GAS7: variants seen among roughly 807,000 people sequenced by gnomAD.
GAS7 encodes the protein growth arrest-specific protein 7.
A neutral mutation model predicts 71.1 loss-of-function variants in GAS7; 28 were observed. The ratio of observed to expected loss-of-function variants is 0.39; its 90% CI spans 0.29 to 0.54. The LOEUF is 0.54. Among genes scored for constraint, GAS7 ranks in the 20% least tolerant of loss-of-function variants. GAS7 has a pLI of 0.62. For synonymous variants in GAS7, 258 were observed against 245.8 expected, an observed-to-expected ratio of 1.05 and a Z score of -0.46; for missense variants, 436 against 627.8, an observed-to-expected ratio of 0.69 and a Z score of 3.27.
intron 1 of GAS7, among the ~76,000 whole-genome samples, chr17:10,133,961 C>T (rs1396017334): frequency 6.6e-6 from 1 of 152,090 alleles, no homozygotes; most frequent in Non-Finnish European, 1.5e-5. Flanking sequence ...AACCAAAATG[C>T]TCCAATGACC....
intron 1 of GAS7, among the ~76,000 whole-genome samples, chr17:10,123,728 G>T (rs957181434): frequency 3.3e-5 from 5 of 152,346 alleles, no homozygotes; most frequent in South Asian, 2.1e-4. Flanking sequence ...TGCCCGTCCA[G>T]GAATAGACAC....
chr17:10,122,586 G>A (rs1367159790), intron 1 of GAS7, among the ~76,000 whole-genome samples: 2 of 152,124 alleles, frequency 1.3e-5, no homozygotes, highest in Non-Finnish European at 2.9e-5. Flanking sequence ...CATGAAGAGG[G>A]GGGTTGAAAG....
Position 9,914,932 on chromosome 17 carries a change from G to C in GAS7, c.*2296C>G, listed in dbSNP as rs551029518. 1 of 232,476 alleles carries C rather than the reference G, an allele frequency of 4.3e-6. No homozygotes were observed. Among genetic ancestry groups the C allele is most frequent in the Admixed American group, 5.6e-5 (1 of 17,762 alleles). The allele number at this position is 232,476 out of a possible 1,614,324, so 14.4% of individuals were successfully genotyped here. ...GTATCAATGCCAAGGTTGCTGACCGGTAAGACCCCTGAAAACGAGCGATCA... is the reference window on the plus strand; with the variant it reads ...GTATCAATGCCAAGGTTGCTGACCGCTAAGACCCCTGAAAACGAGCGATCA... On this transcript the variant is annotated 3_prime_UTR_variant, in exon 14 of 14. Transcript: ENST00000432992.
chr17:10,017,993 G>A (rs926199443), intron 2 of GAS7, among the ~76,000 whole-genome samples: 1 of 152,202 alleles, frequency 6.6e-6, no homozygotes, highest in Non-Finnish European at 1.5e-5. Flanking sequence ...AATTAATAGA[G>A]TGCAGGTGAA....
intron 2 of GAS7, among the ~76,000 whole-genome samples, chr17:9,997,658 A>T (rs1193681618): frequency 6.6e-6 from 1 of 152,174 alleles, no homozygotes; most frequent in Non-Finnish European, 1.5e-5. Context: ...GCTCATTCCC[A>T]CAAGACTACT....
rs570013422 is a variant in GAS7 at position 9,965,515 on chromosome 17, C to T, written c.471+4162G>A. ...CATCACACACCAGGACCTATCGGGG[C>T]GTGGGGGATAAGAGGAGGGAGAGCA... is the stretch of plus-strand genomic sequence containing the variant. On this transcript the variant is annotated intron_variant, in intron 4 of 13. Coordinates refer to ENST00000432992, the MANE Select transcript of GAS7 (RefSeq NM_201433.2). Among the ~76,000 whole-genome samples, 492 of 152,018 alleles carry T rather than the reference C, an allele frequency of 3.2e-3. 3 individuals are homozygous for T. The highest frequency in any genetic ancestry group is 0.01 in the Middle Eastern group (3 of 294).
At chr17:10,080,182 C>T (rs2073443239) in intron 1 of GAS7, among the ~76,000 whole-genome samples, 1 of 152,182 alleles carries the variant, frequency 6.6e-6, no homozygotes, top group Non-Finnish European at 1.5e-5. Flanking sequence ...ACAAAACTGA[C>T]CTCTGGTCAT....
chr17:9,964,472 G>A (rs1245029178), intron 4 of GAS7, among the ~76,000 whole-genome samples: 2 of 152,124 alleles, frequency 1.3e-5, no homozygotes, highest in African/African-American at 4.8e-5. Flanking sequence ...TATTCCTGCT[G>A]ATTTAGTAAG....
In GAS7 at chr17:9,911,302, G is replaced by C; in HGVS notation, c.*5926C>G. 4.3e-6 allele frequency: 1 copy of C among 233,420 alleles called. No homozygotes were observed. The highest frequency in any genetic ancestry group is 2.2e-5 in the African/African-American group (1 of 45,456). The allele number at this position is 233,420 out of a possible 1,614,324, so 14.5% of individuals were successfully genotyped here. Reference sequence around the variant, plus strand: ...TGGGACAAAGGAGGCCGCAGAGCAGGGCCAGTCCTGTGCTCTCCCCCTGCA... The same window carrying C: ...TGGGACAAAGGAGGCCGCAGAGCAGCGCCAGTCCTGTGCTCTCCCCCTGCA... On this transcript the variant is annotated 3_prime_UTR_variant, in exon 14 of 14. Transcript: ENST00000432992. This position sits in a 1 kb window ranked among gnomAD's most constrained non-coding sequence, Gnocchi z 4.0.
intron 1 of GAS7, among the ~76,000 whole-genome samples, chr17:10,100,581 G>T (rs1471934954): frequency 6.7e-6 from 1 of 148,330 alleles, no homozygotes; most frequent in East Asian, 1.9e-4. Context: ...CCTCCCTCAG[G>T]TATCAGCTGA....
At chr17:9,976,790 C>T (rs2070224017) in intron 3 of GAS7, among the ~76,000 whole-genome samples, 1 of 152,174 alleles carries the variant, frequency 6.6e-6, no homozygotes, top group Non-Finnish European at 1.5e-5. Flanking sequence ...AGGACAACCT[C>T]AAAAAATAAT....
At chr17:10,184,126 CAT>C (rs1274486560) in intron 1 of GAS7, among the ~76,000 whole-genome samples, 3 of 152,214 alleles carry the variant, frequency 2.0e-5, no homozygotes, top group Non-Finnish European at 2.9e-5. Flanking sequence ...GTCCCCGTTG[CAT>C]ATGTTTTTCC....
intron 2 of GAS7, among the ~76,000 whole-genome samples, chr17:10,005,374 T>C (rs1307841292): frequency 1.3e-5 from 2 of 151,944 alleles, no homozygotes; most frequent in Admixed American, 6.5e-5. Flanking sequence ...CCTGACTTTG[T>C]GTCTGATGCC....
chr17:9,917,185 GC>G lies in GAS7; in HGVS notation c.*42del, dbSNP rs749947138. On this transcript the variant is annotated 3_prime_UTR_variant, in exon 14 of 14. Coordinates refer to ENST00000432992, the MANE Select transcript of GAS7 (RefSeq NM_201433.2). ...GCATGGGCCCCATGGTGGGAGCCCA[GC>G]CCCCCTCCCCAGCAGGACCCCCCGA... The G allele has an allele frequency of 5.4e-5, 64 of 1,188,128 alleles. No homozygotes were observed. The East Asian group carries it at 7.9e-4, about 15-fold the overall frequency. The allele number at this position is 1,188,128 out of a possible 1,614,324, so 73.6% of individuals were successfully genotyped here. A position where few individuals can be genotyped will look rare whatever the true frequency, so the allele number is the denominator to read the frequency against.
chr17:10,171,187 C>T (rs1021285304), intron 1 of GAS7, among the ~76,000 whole-genome samples: 2 of 152,124 alleles, frequency 1.3e-5, no homozygotes, highest in African/African-American at 4.8e-5. Flanking sequence ...GGAAGAAACC[C>T]AGAGGTGTTA....
intron 1 of GAS7, among the ~76,000 whole-genome samples, chr17:10,031,926 T>TA (rs977217256): frequency 6.6e-5 from 10 of 152,124 alleles, no homozygotes; most frequent in African/African-American, 2.4e-4. Context: ...TGGCCTCTGA[T>TA]AGACGGGTTT....
intron 1 of GAS7, among the ~76,000 whole-genome samples, chr17:10,118,458 C>A (rs1205507958): frequency 6.6e-6 from 1 of 152,164 alleles, no homozygotes; most frequent in African/African-American, 2.4e-5. Flanking sequence ...CGCCTGTAAT[C>A]CCAACACTTT....
At chr17:10,085,706 A>AAAAGAAAG (rs796340516) in intron 1 of GAS7, among the ~76,000 whole-genome samples, 1 of 134,918 alleles carries the variant, frequency 7.4e-6, no homozygotes, top group African/African-American at 3.0e-5. Flanking sequence ...AAAAAAAAAA[A>AAAAGAAAG]AAAGAAAGAA....
At chr17:10,005,439 C>T (rs957706382) in intron 2 of GAS7, among the ~76,000 whole-genome samples, 21 of 151,812 alleles carry the variant, frequency 1.4e-4, no homozygotes, top group African/African-American at 4.6e-4. Context: ...TTTCATCGGG[C>T]CCAAACTCAG....
Sources: gnomAD v4.1 joint callset for allele counts (sites outside exome capture counted in the v4.1 genomes callset) on GRCh38, gnomAD v4.1.1 for gene constraint, Gnocchi (gnomAD v3.1) non-coding constraint, MANE v1.5 for transcripts, NCBI Gene and HGNC (gene_info 2026-07-23, HGNC 2026-07-21) for gene names.